TMTC1: variants seen among roughly 807,000 people sequenced by gnomAD.
TMTC1 encodes the protein protein O-mannosyl-transferase TMTC1.
TMTC1 carries 73 observed loss-of-function variants against 104.8 expected under a neutral mutation model. The observed-to-expected ratio is 0.70, with a 90% CI of 0.58 to 0.85. TMTC1 has a LOEUF of 0.85. TMTC1 is among the 40% of genes least tolerant of loss of function. The pLI is 0.00. For synonymous variants in TMTC1, 434 were observed against 428.7 expected, an observed-to-expected ratio of 1.01 and a Z score of -0.15; for missense variants, 1,035 against 1,096.1, an observed-to-expected ratio of 0.94 and a Z score of 0.79.
intron 10 of TMTC1, among the ~76,000 whole-genome samples, chr12:29,545,140 G>A (rs1393765421): frequency 1.5e-5 from 1 of 67,782 alleles, no homozygotes; most frequent in African/African-American, 6.0e-5. Context: ...AAGCCTCACA[G>A]ATGGGTTTTT....
At chr12:29,577,951 A>G (rs1424584401) in intron 8 of TMTC1, among the ~76,000 whole-genome samples, 1 of 152,078 alleles carries the variant, frequency 6.6e-6, no homozygotes, top group Admixed American at 6.6e-5. Flanking sequence ...AAAATTTCTG[A>G]CTTTTTCTAT....
At chr12:29,780,254 C>A (rs1943803421) in intron 1 of TMTC1, among the ~76,000 whole-genome samples, 1 of 152,142 alleles carries the variant, frequency 6.6e-6, no homozygotes, top group African/African-American at 2.4e-5. Flanking sequence ...TAGATGTCCC[C>A]AACAGGTGAA....
chr12:29,506,742 G>GA lies in TMTC1; in HGVS notation c.*103dup. Reference sequence around the variant, plus strand: ...GTGTCACCCTGAACTCGGAATGAGAGAAAATCTCATTAGTTGTGCCCCTGC... The same window carrying GA: ...GTGTCACCCTGAACTCGGAATGAGAGAAAAATCTCATTAGTTGTGCCCCTGC... On this transcript the variant is annotated 3_prime_UTR_variant, in exon 18 of 18. Coordinates refer to ENST00000539277, the MANE Select transcript of TMTC1 (RefSeq NM_001193451.2). 7.0e-7 allele frequency: 1 copy of GA among 1,425,932 alleles called. No individual in the cohort carries two copies. The highest frequency in any genetic ancestry group is 1.7e-5 in the Admixed American group (1 of 57,408). 88.3% of individuals were successfully genotyped at this position (1,425,932 alleles called of 1,614,324 possible).
intron 8 of TMTC1, among the ~76,000 whole-genome samples, chr12:29,576,722 A>AT (rs2136312720): frequency 6.6e-6 from 1 of 152,302 alleles, no homozygotes; most frequent in South Asian, 2.1e-4. Flanking sequence ...AAAGAGGGCT[A>AT]TAGCTAAGAA....
intron 5 of TMTC1, among the ~76,000 whole-genome samples, chr12:29,736,261 C>CAA (rs367958905): frequency 1.1e-4 from 10 of 88,560 alleles, no homozygotes; most frequent in Admixed American, 3.5e-4. Context: ...TAGGTAAAGC[C>CAA]AAAAAAAAAA....
At chr12:29,596,267 A>G (rs1193334372) in intron 7 of TMTC1, among the ~76,000 whole-genome samples, 1 of 152,198 alleles carries the variant, frequency 6.6e-6, no homozygotes, top group Non-Finnish European at 1.5e-5. Flanking sequence ...TTGGCCTCCC[A>G]AAGTGCTGGG....
At chr12:29,608,985 C>T (rs73073429) in intron 6 of TMTC1, among the ~76,000 whole-genome samples, 23,746 of 152,124 alleles carry the variant, frequency 0.16, 2,351 homozygotes, top group South Asian at 0.28. Context: ...TGCACCTGGC[C>T]AGCAGTGTGT....
intron 7 of TMTC1, among the ~76,000 whole-genome samples, chr12:29,596,448 C>T (rs774066186): frequency 6.6e-6 from 1 of 152,170 alleles, no homozygotes; most frequent in Non-Finnish European, 1.5e-5. Flanking sequence ...AAATGCACAG[C>T]CTTTCTCCCT....
At chr12:29,603,252 T>A (rs1233358415) in intron 7 of TMTC1, among the ~76,000 whole-genome samples, 1 of 152,154 alleles carries the variant, frequency 6.6e-6, no homozygotes, top group Non-Finnish European at 1.5e-5. Context: ...AATCAAAGAT[T>A]ATGAAATTCA....
rs141882202 is a variant in TMTC1, at chr12:29,604,844, T to G, written c.1129-545A>C. On this transcript the variant is annotated intron_variant, in intron 6 of 17. Transcript: ENST00000539277. ...AGAATCATTTGAATTGAAGCATACC[T>G]TCACACCTCTCAAATTAGGCTGGCA... Among the ~76,000 whole-genome samples the G allele has an allele frequency of 1.1e-3, 171 of 152,348 alleles. 1 individual carries two copies. The highest frequency in any genetic ancestry group is 3.7e-3 in the African/African-American group (153 of 41,588).
intron 5 of TMTC1, chr12:29,660,741 T>TA (rs2136641120): frequency 1.8e-6 from 1 of 546,214 alleles, no homozygotes; most frequent in South Asian, 5.9e-5. Context: ...TGAGCTGAGA[T>TA]AGAGTGGAAA....
chr12:29,514,432 T>C, intron 16 of TMTC1, 50 bp downstream of exon 16: 1 of 1,562,874 alleles, frequency 6.4e-7, no homozygotes, highest in Non-Finnish European at 8.7e-7. Context: ...CAAAAGACAA[T>C]TAATTTTAAT....
intron 5 of TMTC1, among the ~76,000 whole-genome samples, chr12:29,652,410 C>G (rs1365651817): frequency 6.6e-6 from 1 of 152,190 alleles, no homozygotes; most frequent in African/African-American, 2.4e-5. Flanking sequence ...CATGACAGAG[C>G]AGAGTTACCG....
chr12:29,704,481 A>G (rs187349929), intron 5 of TMTC1, among the ~76,000 whole-genome samples: 24 of 152,344 alleles, frequency 1.6e-4, no homozygotes, highest in African/African-American at 5.5e-4. Flanking sequence ...TTCAACATCC[A>G]CAGCTCACAG....
At position 29,504,343 on chromosome 12, in the gene TMTC1, G is replaced by T. The variant is rs1286276987; in HGVS notation, c.*2503C>A. ...TTCCATGTATTATTTCATGTTACAA[G>T]GACCAAATGAAAATAGTTACAAAAT... On this transcript the variant is annotated 3_prime_UTR_variant, in exon 18 of 18. Coordinates refer to ENST00000539277, the MANE Select transcript of TMTC1 (RefSeq NM_001193451.2). 1 of 151,190 alleles carries T rather than the reference G, an allele frequency of 6.6e-6. No homozygotes were observed. The highest frequency in any genetic ancestry group is 1.5e-5 in the Non-Finnish European group (1 of 67,892). 9.4% of individuals were successfully genotyped at this position (151,190 alleles called of 1,614,324 possible).
chr12:29,597,508 G>A lies in TMTC1; in HGVS notation c.1250+6670C>T, dbSNP rs1946442692. On this transcript the variant is annotated intron_variant, in intron 7 of 17. Transcript: ENST00000539277. Reference sequence around the variant, plus strand: ...CACTGTCGGGCCCTCCAGAGAGCCTGTCCCATGGCAGATGGACTTCCTCCC... The same window carrying A: ...CACTGTCGGGCCCTCCAGAGAGCCTATCCCATGGCAGATGGACTTCCTCCC... Among the ~76,000 whole-genome samples the A allele has an allele frequency of 3.3e-5, 5 of 151,772 alleles. No homozygotes were observed. The South Asian group carries it at 1.0e-3, about 32-fold the overall frequency.
intron 5 of TMTC1, among the ~76,000 whole-genome samples, chr12:29,672,350 G>T (rs942759882): frequency 3.9e-5 from 6 of 152,316 alleles, no homozygotes; most frequent in Middle Eastern, 6.8e-3. Context: ...TCAGTACCCA[G>T]GACACTGATG....
In TMTC1 at chr12:29,751,812, T is replaced by C; in HGVS notation, c.792A>G (p.Ser264=). ...PQQPGSPQPS[S]LPGHPHRENG... Reference sequence around the variant, plus strand: ...TCTCCCGGTGAGGATGGCCTGGCAGTGAGGAGGGCTGGGGGCTCCCGGGCT... The same window carrying C: ...TCTCCCGGTGAGGATGGCCTGGCAGCGAGGAGGGCTGGGGGCTCCCGGGCT... The change falls in exon 5 of 18, where the codon TCA becomes TCG. Residue 264 remains serine, a synonymous_variant. Coordinates refer to ENST00000539277, the MANE Select transcript of TMTC1 (RefSeq NM_001193451.2). 6.2e-7 allele frequency: 1 copy of C among 1,609,542 alleles called. No homozygotes were observed. The highest frequency in any genetic ancestry group is 8.5e-7 in the Non-Finnish European group (1 of 1,177,822).
intron 7 of TMTC1, among the ~76,000 whole-genome samples, chr12:29,594,759 A>G (rs1946365133): frequency 6.6e-6 from 1 of 152,190 alleles, no homozygotes; most frequent in East Asian, 1.9e-4. Context: ...AGCATCTGCA[A>G]TTGAGTCTCT....
Sources: gnomAD v4.1 joint callset for allele counts (sites outside exome capture counted in the v4.1 genomes callset) on GRCh38, gnomAD v4.1.1 for gene constraint, MANE v1.5 for transcripts, NCBI Gene and HGNC (gene_info 2026-07-23, HGNC 2026-07-21) for gene names.